Variants in STRBP observed in about 807,000 individuals in gnomAD.
The protein encoded by STRBP is spermatid perinuclear RNA binding protein.
In STRBP, 13 loss-of-function variants were observed where a neutral mutation model predicts 80.1. The ratio of observed to expected loss-of-function variants is 0.16; its 90% CI spans 0.11 to 0.26. The LOEUF (loss-of-function observed/expected upper bound fraction) is 0.26. STRBP is among the 10% of genes least tolerant of loss of function. STRBP has a pLI of 1.00. For missense variants in STRBP, 485 were observed against 815.2 expected (o/e 0.59, Z 4.93); for synonymous variants, 284 against 291.2 (o/e 0.98, Z 0.25).
At position 123,124,245 on chromosome 9, in the gene STRBP, G is replaced by T; in HGVS notation, c.*1352C>A. ...TGAAAGCTAATTCATACTAAAAACA[G>T]ACATTTTTAAGACATGGTGCCTTAT... On this transcript the variant is annotated 3_prime_UTR_variant, in exon 19 of 19. Transcript: ENST00000348403. 2 of 985,418 alleles carry T rather than the reference G, an allele frequency of 2.0e-6. No homozygotes were observed. Among genetic ancestry groups the T allele is most frequent in the Non-Finnish European group, 2.4e-6 (2 of 829,936 alleles). 61.0% of individuals were successfully genotyped at this position (985,418 alleles called of 1,614,324 possible).
intron 4 of STRBP, among the ~76,000 whole-genome samples, chr9:123,174,341 G>A (rs1381489031): frequency 6.6e-6 from 1 of 152,196 alleles, no homozygotes; most frequent in Non-Finnish European, 1.5e-5. Context: ...AAGAAGCAAT[G>A]GAGAGAGGAT....
At chr9:123,186,792 A>G (rs887700998) in intron 2 of STRBP, among the ~76,000 whole-genome samples, 2 of 150,624 alleles carry the variant, frequency 1.3e-5, no homozygotes, top group East Asian at 4.0e-4. Context: ...GAAATGGAGA[A>G]ACTACAATAG....
chr9:123,246,626 T>C (rs1207559669), intron 1 of STRBP, among the ~76,000 whole-genome samples: 3 of 152,170 alleles, frequency 2.0e-5, no homozygotes, highest in Admixed American at 1.3e-4. Context: ...AATTTGACAG[T>C]TGTGTATTGC....
intron 1 of STRBP, among the ~76,000 whole-genome samples, chr9:123,255,865 CT>C (rs2041016639): frequency 6.6e-6 from 1 of 152,074 alleles, no homozygotes. Context: ...AATTTTCCTC[CT>C]GATCTCACTT....
At chr9:123,227,162 T>C (rs1207388177) in intron 2 of STRBP, among the ~76,000 whole-genome samples, 1 of 152,106 alleles carries the variant, frequency 6.6e-6, no homozygotes, top group East Asian at 1.9e-4. Flanking sequence ...ATCATAAACA[T>C]AAGTCAATAA....
intron 3 of STRBP, chr9:123,111,863 A>G (rs1211164750): frequency 4.2e-6 from 1 of 239,776 alleles, no homozygotes; most frequent in Non-Finnish European, 9.0e-6. Flanking sequence ...GCAAAATCCG[A>G]GAGGCACTTC....
At chr9:123,267,224 C>G (rs1317347314) in intron 1 of STRBP, among the ~76,000 whole-genome samples, 1 of 151,556 alleles carries the variant, frequency 6.6e-6, no homozygotes, top group African/African-American at 2.4e-5. Flanking sequence ...GAACCCCTCA[C>G]CCTCCGTCCT....
At chr9:123,219,246 C>T (rs1480304085) in intron 2 of STRBP, among the ~76,000 whole-genome samples, 4 of 152,136 alleles carry the variant, frequency 2.6e-5, no homozygotes, top group Admixed American at 2.0e-4. Flanking sequence ...AACCTTGCTG[C>T]CATTCCCCAA....
chr9:123,199,244 C>A (rs905612618), intron 2 of STRBP, among the ~76,000 whole-genome samples: 5 of 152,304 alleles, frequency 3.3e-5, no homozygotes, highest in Non-Finnish European at 7.4e-5. Context: ...TATGTGCCTA[C>A]TTTTATACCA....
Position 123,125,284 on chromosome 9 carries a change from T to G in STRBP, c.*313A>C, listed in dbSNP as rs548971007. 4.8e-6 allele frequency: 5 copies of G among 1,041,186 alleles called. No individual in the cohort carries two copies. The South Asian group carries it at 2.1e-4, about 44-fold the overall frequency. The allele number at this position is 1,041,186 out of a possible 1,614,324, so 64.5% of individuals were successfully genotyped here. A position where few individuals can be genotyped will look rare whatever the true frequency, so the allele number is the denominator to read the frequency against. On this transcript the variant is annotated 3_prime_UTR_variant, in exon 19 of 19. Coordinates refer to ENST00000348403, the MANE Select transcript of STRBP (RefSeq NM_018387.5). ...TCTATACATCCTTCACAAATTTAAT[T>G]TTACATAATCTGATACGTCTCTTAA...
chr9:123,122,118 CAT>C lies in STRBP; in HGVS notation c.*3477_*3478del, dbSNP rs2035753185. The C allele has an allele frequency of 3.9e-6, 1 of 254,468 alleles. No individual in the cohort carries two copies. The highest frequency in any genetic ancestry group is 7.7e-6 in the Non-Finnish European group (1 of 130,080). 15.8% of individuals were successfully genotyped at this position (254,468 alleles called of 1,614,324 possible). On this transcript the variant is annotated 3_prime_UTR_variant, in exon 19 of 19. Coordinates refer to ENST00000348403, the MANE Select transcript of STRBP (RefSeq NM_018387.5). ...ATATGACCTAAGAGATCAAATACAT[CAT>C]ATATGATTGTCATATATGCATGTTG... is the stretch of plus-strand genomic sequence containing the variant.
At chr9:123,176,986 C>T (rs2038246013) in intron 4 of STRBP, among the ~76,000 whole-genome samples, 1 of 152,142 alleles carries the variant, frequency 6.6e-6, no homozygotes, top group Admixed American at 6.5e-5. Flanking sequence ...CCTAACCGTG[C>T]CTGGCAATGG....
chr9:123,176,170 T>C (rs1247210885), intron 4 of STRBP, among the ~76,000 whole-genome samples: 1 of 152,256 alleles, frequency 6.6e-6, no homozygotes, highest in Admixed American at 6.5e-5. Context: ...AACAGTTCTA[T>C]ACTTTCTCAT....
chr9:123,221,880 T>TA (rs1470910640), intron 2 of STRBP, among the ~76,000 whole-genome samples: 72 of 152,312 alleles, frequency 4.7e-4, no homozygotes, highest in Admixed American at 4.7e-3. Context: ...TATTTTCCCT[T>TA]TATTAAGTAG....
At chr9:123,195,900 G>A (rs747797177) in intron 2 of STRBP, among the ~76,000 whole-genome samples, 27 of 152,080 alleles carry the variant, frequency 1.8e-4, no homozygotes, top group African/African-American at 6.3e-4. Flanking sequence ...CAAAACTATC[G>A]TGAGTAAAAA....
intron 11 of STRBP, among the ~76,000 whole-genome samples, chr9:123,149,145 G>GT (rs1186351897): frequency 6.6e-6 from 1 of 152,158 alleles, no homozygotes; most frequent in South Asian, 2.1e-4. Context: ...GATTCTTCTA[G>GT]TGAAAGCCTA....
At chr9:123,111,568 G>T in intron 3 of STRBP, 1 of 476,676 alleles carries the variant, frequency 2.1e-6, no homozygotes, top group East Asian at 6.4e-5. Context: ...CCTGAGCAAG[G>T]CTCTTGTCTG....
chr9:123,123,362 G>T lies in STRBP; in HGVS notation c.*2235C>A, dbSNP rs1225987382. 28 of 985,244 alleles carry T rather than the reference G, an allele frequency of 2.8e-5. No individual in the cohort carries two copies. The highest frequency in any genetic ancestry group is 3.3e-5 in the Non-Finnish European group (27 of 829,914). The allele number at this position is 985,244 out of a possible 1,614,324, so 61.0% of individuals were successfully genotyped here. A position where few individuals can be genotyped will look rare whatever the true frequency, so the allele number is the denominator to read the frequency against. On this transcript the variant is annotated 3_prime_UTR_variant, in exon 19 of 19. Transcript: ENST00000348403. ...TGGAAGGGTGGGAAGGGCAACAGGT[G>T]GGGGGACACTTAATTCATTACAGAA...
intron 1 of STRBP, among the ~76,000 whole-genome samples, chr9:123,262,479 C>A (rs886294592): frequency 6.6e-6 from 1 of 152,178 alleles, no homozygotes; most frequent in Non-Finnish European, 1.5e-5. Context: ...TTACCCATGA[C>A]CCAGAAATGC....
Sources: allele counts gnomAD v4.1 joint callset (sites outside exome capture counted in the v4.1 genomes callset), GRCh38; gene constraint gnomAD v4.1.1; transcripts MANE v1.5; gene names NCBI Gene and HGNC (gene_info 2026-07-23, HGNC 2026-07-21).